CCDC80: variants seen among roughly 807,000 people sequenced by gnomAD.
The protein encoded by CCDC80 is coiled-coil domain containing 80.
CCDC80 carries 49 observed loss-of-function variants against 78.7 expected under a neutral mutation model. That is an observed-to-expected ratio of 0.62 (90% CI 0.50 to 0.79). The LOEUF (loss-of-function observed/expected upper bound fraction) is 0.79. CCDC80 is among the 30% of genes least tolerant of loss of function. The pLI, the probability that CCDC80 is intolerant of heterozygous loss-of-function variation, is 0.00. For missense variants in CCDC80, 1,205 were observed against 1,198.6 expected, an observed-to-expected ratio of 1.01 and a Z score of -0.08; for synonymous variants, 488 against 447.0, an observed-to-expected ratio of 1.09 and a Z score of -1.16.
rs893199336 is a variant in CCDC80 at position 112,601,113 on chromosome 3, G to T, written c.*4304C>A. 1 of 152,168 alleles carries T rather than the reference G, an allele frequency of 6.6e-6. No homozygotes were observed. Among genetic ancestry groups the T allele is most frequent in the Non-Finnish European group, 1.5e-5 (1 of 68,032 alleles). The allele number at this position is 152,168 out of a possible 1,614,324, so 9.4% of individuals were successfully genotyped here. A position where few individuals can be genotyped will look rare whatever the true frequency, so the allele number is the denominator to read the frequency against. On this transcript the variant is annotated 3_prime_UTR_variant, in exon 8 of 8. Transcript: ENST00000206423. ...TCTAAAGTCACTTGAGCTTTCTGGA[G>T]CTCAGTTACCTGTAAAACAAGGAAG...
intron 2 of CCDC80, among the ~76,000 whole-genome samples, chr3:112,632,815 A>G (rs1286054596): frequency 1.3e-5 from 2 of 152,138 alleles, no homozygotes; most frequent in Non-Finnish European, 2.9e-5. Context: ...TGCAGGACTC[A>G]TTCTCTAACT....
In CCDC80 at chr3:112,597,636, A is replaced by G. The variant is rs1935303967; in HGVS notation, c.*7781T>C. 2 of 152,180 alleles carry G rather than the reference A, an allele frequency of 1.3e-5. No homozygotes were observed. The highest frequency in any genetic ancestry group is 4.8e-5 in the African/African-American group (2 of 41,422). The allele number at this position is 152,180 out of a possible 1,614,324, so 9.4% of individuals were successfully genotyped here. On this transcript the variant is annotated 3_prime_UTR_variant, in exon 8 of 8. Coordinates refer to ENST00000206423, the MANE Select transcript of CCDC80 (RefSeq NM_199511.3). ...GGAGAGGTAAAAAATCTTCAGGAGA[A>G]ACTGTGCCTGAACTGTGAGTATCCA...
chr3:112,610,085 GAAA>G lies in CCDC80; in HGVS notation c.2322-7_2322-5del. ...CAACCTCCTCCTCCACCGGAACCTG[GAAA>G]AAAAAAGCAGGACACCATTACTGCT... On this transcript the variant is annotated splice_region_variant and splice_polypyrimidine_tract_variant and intron_variant, in intron 5 of 7. Coordinates refer to ENST00000206423, the MANE Select transcript of CCDC80 (RefSeq NM_199511.3). 6.2e-7 allele frequency: 1 copy of G among 1,600,672 alleles called. No individual in the cohort carries two copies. The highest frequency in any genetic ancestry group is 1.4e-5 in the African/African-American group (1 of 73,534).
intron 2 of CCDC80, among the ~76,000 whole-genome samples, chr3:112,633,083 A>C (rs572279122): frequency 6.6e-6 from 1 of 152,230 alleles, no homozygotes; most frequent in Non-Finnish European, 1.5e-5. Flanking sequence ...TGTCATTGTT[A>C]TAATGAATCA....
rs745863941 is a variant in CCDC80 at position 112,616,696 on chromosome 3, C to T, written c.2321+14G>A. On this transcript the variant is annotated intron_variant, in intron 5 of 7. Transcript: ENST00000206423. ...TTTGCACCTTCCTCTTTAGCGACTCCAAAGGTGATGTACCTGGATAGGAAG... is the reference window on the plus strand; with the variant it reads ...TTTGCACCTTCCTCTTTAGCGACTCTAAAGGTGATGTACCTGGATAGGAAG... The T allele has an allele frequency of 6.2e-7, 1 of 1,613,846 alleles. No individual in the cohort carries two copies. Among genetic ancestry groups the T allele is most frequent in the South Asian group, 1.1e-5 (1 of 91,048 alleles).
chr3:112,609,281 C>T (rs1428907664), intron 6 of CCDC80, among the ~76,000 whole-genome samples: 1 of 152,144 alleles, frequency 6.6e-6, no homozygotes, highest in African/African-American at 2.4e-5. Flanking sequence ...GACATTAGCT[C>T]TCTCAGGACA....
At chr3:112,628,549 A>T (rs1295303236) in intron 3 of CCDC80, among the ~76,000 whole-genome samples, 1 of 152,216 alleles carries the variant, frequency 6.6e-6, no homozygotes, top group Non-Finnish European at 1.5e-5. Context: ...TGTGAAATAG[A>T]TATGATTATC....
At chr3:112,621,990 T>G (rs1450751057) in intron 3 of CCDC80, among the ~76,000 whole-genome samples, 1 of 152,166 alleles carries the variant, frequency 6.6e-6, no homozygotes, top group African/African-American at 2.4e-5. Flanking sequence ...TCAGACTCTG[T>G]CTCTCAGAAA....
In CCDC80 at chr3:112,605,107, T is replaced by C; in HGVS notation, c.*310A>G. 1 of 214,228 alleles carries C rather than the reference T, an allele frequency of 4.7e-6. No homozygotes were observed. The highest frequency in any genetic ancestry group is 1.1e-4 in the East Asian group (1 of 9,450). 13.3% of individuals were successfully genotyped at this position (214,228 alleles called of 1,614,324 possible). ...AATAAGAAAAAGCTTTAAATACATA[T>C]TTTATAAAATTTTATATGCCAAATA... On this transcript the variant is annotated 3_prime_UTR_variant, in exon 8 of 8. Coordinates refer to ENST00000206423, the MANE Select transcript of CCDC80 (RefSeq NM_199511.3).
intron 3 of CCDC80, among the ~76,000 whole-genome samples, chr3:112,628,089 T>C (rs905819411): frequency 2.0e-5 from 3 of 152,174 alleles, no homozygotes; most frequent in African/African-American, 7.2e-5. Context: ...CATTTGACAC[T>C]GGGAACACCT....
At chr3:112,607,735 G>A (rs1470248108) in intron 6 of CCDC80, among the ~76,000 whole-genome samples, 3 of 152,192 alleles carry the variant, frequency 2.0e-5, no homozygotes, top group Non-Finnish European at 4.4e-5. Context: ...GCAGTGAGCC[G>A]AGATCGCGCC....
Position 112,618,902 on chromosome 3 carries a change from A to G in CCDC80, c.2172+66T>C, listed in dbSNP as rs1244785246. The G allele has an allele frequency of 7.1e-6, 11 of 1,540,890 alleles. No individual in the cohort carries two copies. In the East Asian group the frequency reaches 2.5e-4, roughly 35 times the overall value. ...TACTCGTACATTGAATGGACTGTTT[A>G]ACAAAACAATTCAGATTTGCTATTC... On this transcript the variant is annotated intron_variant, in intron 4 of 7. Transcript: ENST00000206423.
At chr3:112,618,155 A>G (rs1482997182) in intron 4 of CCDC80, among the ~76,000 whole-genome samples, 1 of 152,216 alleles carries the variant, frequency 6.6e-6, no homozygotes. Context: ...TGTTATTGTT[A>G]TTATTACATG....
At chr3:112,617,450 G>A (rs556389182) in intron 4 of CCDC80, among the ~76,000 whole-genome samples, 1 of 152,356 alleles carries the variant, frequency 6.6e-6, no homozygotes, top group South Asian at 2.1e-4. Context: ...AACCTGAGAT[G>A]GATTTAGGGG....
At chr3:112,636,863 C>T (rs2107496254) in intron 2 of CCDC80, among the ~76,000 whole-genome samples, 1 of 152,294 alleles carries the variant, frequency 6.6e-6, no homozygotes. Context: ...ATTTATTGAT[C>T]TTTTACTCAG....
chr3:112,614,445 A>C (rs1039461308), intron 5 of CCDC80, among the ~76,000 whole-genome samples: 9 of 152,184 alleles, frequency 5.9e-5, no homozygotes, highest in Admixed American at 3.9e-4. Flanking sequence ...AGCTCTTAGC[A>C]TAAATCTTTT....
In CCDC80 at chr3:112,638,213, T is replaced by C. The variant is rs995218613; in HGVS notation, c.1693A>G (p.Ser565Gly). The stretch of plus-strand genomic sequence containing the variant: ...TCAGACTTCTTCATTTGCTTTTCAC[T>C]CTTAAGTAACTTGTCTGCGTTCTCA... The part of the protein sequence containing the change: ...KNENADKLLK[S>G]EKQMKKSEKK... The change falls in exon 2 of 8, where the codon AGT becomes GGT. Residue 565 changes from serine to glycine, a missense_variant. Physicochemically the swap from Ser to Gly is moderately conservative, Grantham distance 56. Transcript: ENST00000206423. 1 of 1,612,908 alleles carries C rather than the reference T, an allele frequency of 6.2e-7. No individual in the cohort carries two copies. The highest frequency in any genetic ancestry group is 8.5e-7 in the Non-Finnish European group (1 of 1,179,056).
At chr3:112,609,329 G>A (rs1447178343) in intron 6 of CCDC80, among the ~76,000 whole-genome samples, 3 of 152,058 alleles carry the variant, frequency 2.0e-5, no homozygotes, top group Admixed American at 6.6e-5. Flanking sequence ...GCATATATTC[G>A]TTTTCAAAAT....
intron 3 of CCDC80, among the ~76,000 whole-genome samples, chr3:112,619,874 C>T (rs1184389016): frequency 2.0e-5 from 3 of 152,188 alleles, no homozygotes; most frequent in African/African-American, 4.8e-5. Flanking sequence ...AGCATTTTAA[C>T]ATTTTCAAGG....
Sources: gnomAD v4.1 joint callset for allele counts (sites outside exome capture counted in the v4.1 genomes callset) on GRCh38, gnomAD v4.1.1 for gene constraint, MANE v1.5 for transcripts, NCBI Gene and HGNC (gene_info 2026-07-23, HGNC 2026-07-21) for gene names.